The following ANKHD1 variants were observed in gnomAD, a reference collection of about 807,000 sequenced individuals.
ANKHD1 encodes ankyrin repeat and KH domain-containing protein 1.
In ANKHD1, 31 loss-of-function variants were observed where a neutral mutation model predicts 230.5. The ratio of observed to expected loss-of-function variants is 0.13; its 90% CI spans 0.10 to 0.18. ANKHD1 has a LOEUF of 0.18. Among genes scored for constraint, ANKHD1 ranks in the 10% least tolerant of loss-of-function variants. The probability of loss-of-function intolerance (pLI) is 1.00; values close to 1 mark genes in which losing one functional copy is unlikely to be tolerated. For missense variants in ANKHD1, 2,256 were observed against 3,071.3 expected, an observed-to-expected ratio of 0.73 and a Z score of 6.27; for synonymous variants, 1,074 against 1,117.6, an observed-to-expected ratio of 0.96 and a Z score of 0.78.
intron 15 of ANKHD1, among the ~76,000 whole-genome samples, chr5:140,501,829 A>C (rs1373150006): frequency 2.0e-5 from 3 of 152,098 alleles, no homozygotes; most frequent in African/African-American, 7.2e-5. Flanking sequence ...TATCTTCCAT[A>C]TTGCCTACAA....
chr5:140,460,465 C>A (rs1385667991), intron 9 of ANKHD1, among the ~76,000 whole-genome samples: 3 of 151,938 alleles, frequency 2.0e-5, no homozygotes, highest in Non-Finnish European at 2.9e-5. Context: ...TTTAATATAG[C>A]CCAACCTCAG....
At chr5:140,501,959 T>G (rs1032218654) in intron 15 of ANKHD1, among the ~76,000 whole-genome samples, 3 of 151,344 alleles carry the variant, frequency 2.0e-5, no homozygotes, top group African/African-American at 7.3e-5. Flanking sequence ...CCTAGCTACT[T>G]GGGAGGCTAA....
intron 29 of ANKHD1, chr5:140,532,834 A>C: frequency 2.4e-6 from 1 of 424,144 alleles, no homozygotes; most frequent in South Asian, 1.6e-5. Flanking sequence ...TTAGCTGGGC[A>C]TGGTGGCTCA....
chr5:140,465,687 C>T (rs1776032684), intron 10 of ANKHD1, among the ~76,000 whole-genome samples: 1 of 152,042 alleles, frequency 6.6e-6, no homozygotes, highest in African/African-American at 2.4e-5. Context: ...AATTATTAAC[C>T]AAAATAAATG....
At chr5:140,503,972 A>G (rs1752431353) in intron 15 of ANKHD1, among the ~76,000 whole-genome samples, 2 of 152,200 alleles carry the variant, frequency 1.3e-5, no homozygotes, top group South Asian at 4.1e-4. Context: ...TTTTTAACAA[A>G]GTTTCAAAAT....
rs188063408 is a variant in ANKHD1, at chr5:140,449,719, T to C, written c.1242+414T>C. ...TTGGGTTTATATAATTTCTTAATGC[T>C]AAATTAAACAAAGTTGATGCTTGAA... On this transcript the variant is annotated intron_variant, in intron 7 of 33. Coordinates refer to ENST00000360839, the MANE Select transcript of ANKHD1 (RefSeq NM_017747.3). 2.0e-5 allele frequency among the ~76,000 whole-genome samples: 3 copies of C among 152,148 alleles called. No homozygotes were observed. The East Asian group carries it at 5.8e-4, about 29-fold the overall frequency.
Position 140,539,067 on chromosome 5 carries a change from G to A in ANKHD1, c.7553G>A (p.Cys2518Tyr). ...MIKVIQNSTE[C>Y]TDAQQIWPGT... ...AAAGTTATCCAAAATTCAACTGAAT[G>A]CACTGATGCCCAGCAGGTAAAATGG... Residue 2518 changes from cysteine (C) to tyrosine (Y), a missense_variant, in exon 33 of 34, where the codon TGC becomes TAC. Physicochemically the swap from Cys to Tyr is radical, Grantham distance 194. Coordinates refer to ENST00000360839, the MANE Select transcript of ANKHD1 (RefSeq NM_017747.3). 6.2e-7 allele frequency: 1 copy of A among 1,606,442 alleles called. No individual in the cohort carries two copies. Among genetic ancestry groups the A allele is most frequent in the Non-Finnish European group, 8.5e-7 (1 of 1,177,408 alleles).
At position 140,529,608 on chromosome 5, in the gene ANKHD1, A is replaced by G. The variant is rs751338252; in HGVS notation, c.6662A>G (p.Gln2221Arg). 6.2e-7 allele frequency: 1 copy of G among 1,614,212 alleles called. No individual in the cohort carries two copies. The highest frequency in any genetic ancestry group is 1.7e-5 in the Admixed American group (1 of 60,022). The change falls in exon 29 of 34, where the codon CAG becomes CGG. Residue 2221 changes from glutamine (Q) to arginine (R), a missense_variant. Around this residue, in one of 13 missense-constraint regions of ANKHD1, gnomAD observed 778 missense variants for 966.5 expected, o/e 0.80. Coordinates refer to ENST00000360839, the MANE Select transcript of ANKHD1 (RefSeq NM_017747.3). ...NHFSSLFDSSQVPANQGWGDG... is the reference protein window; with the variant it reads ...NHFSSLFDSSRVPANQGWGDG... The stretch of plus-strand genomic sequence containing the variant: ...TTCAGCAGTCTTTTTGATAGTAGTC[A>G]GGTGCCAGCTAACCAGGGCTGGGGA...
Position 140,510,163 on chromosome 5 carries a change from T to G in ANKHD1, c.4086T>G (p.Leu1362=), listed in dbSNP as rs2127058871. Reference sequence around the variant, plus strand: ...CAGATAACCGGAAAATCACACCTCTTATGTCAGCATTTCGCAAGGTAATTT... The same window carrying G: ...CAGATAACCGGAAAATCACACCTCTGATGTCAGCATTTCGCAAGGTAATTT... ...DAADNRKITP[L]MSAFRKGHVK... Residue 1362 remains leucine (L), a synonymous_variant, in exon 22 of 34, where the codon CTT becomes CTG. Coordinates refer to ENST00000360839, the MANE Select transcript of ANKHD1 (RefSeq NM_017747.3). The G allele has an allele frequency of 1.9e-6, 3 of 1,606,280 alleles. No homozygotes were observed. The highest frequency in any genetic ancestry group is 2.2e-5 in the South Asian group (2 of 90,266).
intron 9 of ANKHD1, 137 bp from the exon 10 acceptor site, chr5:140,464,530 A>G: frequency 1.5e-6 from 1 of 661,888 alleles, no homozygotes; most frequent in Non-Finnish European, 2.2e-6. Context: ...AGCATATTTA[A>G]AGGAAAACTA....
At chr5:140,447,192 C>T (rs186570295) in intron 6 of ANKHD1, among the ~76,000 whole-genome samples, 14 of 152,086 alleles carry the variant, frequency 9.2e-5, no homozygotes, top group Middle Eastern at 6.8e-3. Flanking sequence ...CATGAACCAC[C>T]GTGCCTGGCC....
chr5:140,423,266 T>G (rs2126878240), intron 1 of ANKHD1, among the ~76,000 whole-genome samples: 1 of 152,350 alleles, frequency 6.6e-6, no homozygotes, highest in South Asian at 2.1e-4. Flanking sequence ...TTGAGTGTTC[T>G]AGGCATTGTG....
At chr5:140,421,096 C>G (rs1043037888) in intron 1 of ANKHD1, among the ~76,000 whole-genome samples, 6 of 152,022 alleles carry the variant, frequency 3.9e-5, no homozygotes, top group Non-Finnish European at 8.8e-5. Context: ...CCCGTTTACC[C>G]TGTGCATCCC....
At chr5:140,510,568 C>T (rs192008266) in intron 22 of ANKHD1, among the ~76,000 whole-genome samples, 130 of 151,962 alleles carry the variant, frequency 8.6e-4, no homozygotes, top group African/African-American at 3.0e-3. Flanking sequence ...GCCTCAGCCT[C>T]CCAAAGTGCT....
At chr5:140,486,908 T>G in intron 13 of ANKHD1, 50 bp from the exon 14 acceptor site, 1 of 1,569,640 alleles carries the variant, frequency 6.4e-7, no homozygotes, top group Non-Finnish European at 8.7e-7. Context: ...TTATGGGCCT[T>G]TGTCTTATTC....
At position 140,445,890 on chromosome 5, in the gene ANKHD1, A is replaced by G. The variant is rs1203873293; in HGVS notation, c.1062A>G (p.Ala354=). The change falls in exon 6 of 34, where the codon GCA becomes GCG. Residue 354 remains alanine, a synonymous_variant. Transcript: ENST00000360839. ...EAASAGHVEV[A]RVLLDHGAGI... ...CCAGTGCAGGTCATGTGGAAGTTGC[A>G]AGAGTTCTTTTAGATCATGGTGCAG... 2 of 1,613,798 alleles carry G rather than the reference A, an allele frequency of 1.2e-6. No homozygotes were observed. Among genetic ancestry groups the G allele is most frequent in the South Asian group, 1.1e-5 (1 of 91,038 alleles).
chr5:140,519,876 C>T (rs1251520643), intron 24 of ANKHD1, among the ~76,000 whole-genome samples: 2,853 of 151,038 alleles, frequency 0.019, 94 homozygotes, highest in African/African-American at 0.063. Context: ...GGGCAAGGAC[C>T]TCATGTCTAA....
chr5:140,509,581 C>T (rs78028717), intron 20 of ANKHD1, 56 bp from the exon 21 acceptor site: 50,142 of 1,445,590 alleles, frequency 0.035, 1,043 homozygotes, highest in Non-Finnish European at 0.041. Context: ...TTTTGGTCTA[C>T]GGAATAGTTA....
intron 7 of ANKHD1, among the ~76,000 whole-genome samples, chr5:140,456,328 A>G (rs1350350158): frequency 1.3e-5 from 2 of 152,226 alleles, no homozygotes; most frequent in Non-Finnish European, 2.9e-5. Flanking sequence ...TCAAGCTACC[A>G]ATGACTTCCT....
Sources: gnomAD v4.1 joint callset for allele counts (sites outside exome capture counted in the v4.1 genomes callset) on GRCh38, gnomAD v4.1.1 for gene constraint, gnomAD v4.1.1 regional missense constraint, MANE v1.5 for transcripts, NCBI Gene and HGNC (gene_info 2026-07-23, HGNC 2026-07-21) for gene names.